SHLD1: variants seen among roughly 807,000 people sequenced by gnomAD.
SHLD1 encodes the protein shieldin complex subunit 1.
Under a neutral mutation model 5.5 loss-of-function variants are expected in SHLD1, and 3 were observed. The ratio of observed to expected loss-of-function variants is 0.54; its 90% confidence interval spans 0.25 to 1.40. SHLD1 has a LOEUF of 1.40. Ranked by LOEUF, SHLD1 falls within the 40% of genes most tolerant of loss-of-function variation. The pLI is 0.15. For synonymous variants in SHLD1, 92 were observed against 94.3 expected (o/e 0.98, Z 0.14); for missense variants, 210 against 244.4 (o/e 0.86, Z 0.94).
At chr20:5,787,942 T>C (rs2087083021) in intron 2 of SHLD1, among the ~76,000 whole-genome samples, 2 of 152,180 alleles carry the variant, frequency 1.3e-5, no homozygotes, top group South Asian at 4.1e-4. Flanking sequence ...AGCCCCTGGC[T>C]TTTTTTCCTT....
intron 1 of SHLD1, among the ~76,000 whole-genome samples, 192 bp from the exon 2 acceptor site, chr20:5,772,670 G>A (rs1055792905): frequency 2.6e-5 from 4 of 152,114 alleles, no homozygotes; most frequent in Non-Finnish European, 4.4e-5. Context: ...CCATCACTTT[G>A]GGAGGCTGAG....
intron 2 of SHLD1, among the ~76,000 whole-genome samples, chr20:5,829,794 C>G (rs533457892): frequency 6.6e-6 from 1 of 152,032 alleles, no homozygotes; most frequent in African/African-American, 2.4e-5. Context: ...TTGTGTTTTG[C>G]TAGGCAGCTT....
chr20:5,801,145 T>A (rs1191819671), intron 2 of SHLD1, among the ~76,000 whole-genome samples: 3 of 151,896 alleles, frequency 2.0e-5, no homozygotes, highest in African/African-American at 7.2e-5. Context: ...TGGTGCGATC[T>A]TGGCTCACTG....
At chr20:5,799,387 A>G (rs568603033) in intron 2 of SHLD1, among the ~76,000 whole-genome samples, 5 of 151,532 alleles carry the variant, frequency 3.3e-5, no homozygotes, top group Admixed American at 1.3e-4. Context: ...TGCGGCCTCA[A>G]CTTCCCGGGT....
intron 2 of SHLD1, among the ~76,000 whole-genome samples, chr20:5,857,057 C>T (rs1338817515): frequency 1.3e-5 from 2 of 152,210 alleles, no homozygotes; most frequent in Admixed American, 6.5e-5. Flanking sequence ...TCTCGGCTCA[C>T]TGCAACCTCT....
chr20:5,781,076 C>CT (rs139964625), intron 2 of SHLD1, among the ~76,000 whole-genome samples: 4,018 of 152,272 alleles, frequency 0.026, 77 homozygotes, highest in Non-Finnish European at 0.04. Context: ...CTATATATGT[C>CT]TAATAAAGAC....
chr20:5,759,547 T>A, intron 1 of SHLD1, among the ~76,000 whole-genome samples: 1 of 152,042 alleles, frequency 6.6e-6, no homozygotes. Flanking sequence ...GGTCTAAAAA[T>A]TTTTTAGACA....
intron 2 of SHLD1, among the ~76,000 whole-genome samples, chr20:5,808,248 C>CGA (rs2087409333): frequency 1.4e-4 from 1 of 7,264 alleles, no homozygotes; most frequent in South Asian, 3.3e-3. Context: ...CCACTGCACT[C>CGA]CAGCAAGACT....
intron 2 of SHLD1, among the ~76,000 whole-genome samples, chr20:5,796,087 T>A (rs35703152): frequency 7.3e-4 from 111 of 152,110 alleles, no homozygotes; most frequent in African/African-American, 2.5e-3. Flanking sequence ...AAAGATTAGC[T>A]GTTGAAGCTA....
chr20:5,781,651 G>A (rs957516383), intron 2 of SHLD1, among the ~76,000 whole-genome samples: 1 of 149,386 alleles, frequency 6.7e-6, no homozygotes, highest in African/African-American at 2.5e-5. Flanking sequence ...CTATTTTTTT[G>A]TATTTTTAGT....
chr20:5,835,088 C>A (rs1246994431), intron 2 of SHLD1, among the ~76,000 whole-genome samples: 2 of 151,818 alleles, frequency 1.3e-5, no homozygotes, highest in East Asian at 3.9e-4. Context: ...CCTTTTTTTT[C>A]ATGGAAGCCC....
intron 2 of SHLD1, among the ~76,000 whole-genome samples, chr20:5,849,077 G>A (rs2087966902): frequency 6.6e-6 from 1 of 152,140 alleles, no homozygotes; most frequent in Non-Finnish European, 1.5e-5. Flanking sequence ...AGGAACAGTT[G>A]CAAATTCTAA....
intron 2 of SHLD1, among the ~76,000 whole-genome samples, chr20:5,861,013 G>A (rs539287217): frequency 1.4e-4 from 22 of 151,956 alleles, no homozygotes; most frequent in Non-Finnish European, 1.2e-4. Context: ...TGTTTTGGGT[G>A]CCCCCTGGCC....
At chr20:5,831,430 T>C (rs2087727752) in intron 2 of SHLD1, among the ~76,000 whole-genome samples, 1 of 152,194 alleles carries the variant, frequency 6.6e-6, no homozygotes, top group Admixed American at 6.5e-5. Flanking sequence ...CTACTTTACG[T>C]ATTTTATTTC....
At chr20:5,859,588 G>A (rs1358097156) in intron 2 of SHLD1, among the ~76,000 whole-genome samples, 1 of 152,194 alleles carries the variant, frequency 6.6e-6, no homozygotes, top group Non-Finnish European at 1.5e-5. Flanking sequence ...ATCAGGAAAG[G>A]AAAAGCAATT....
At chr20:5,835,166 T>G (rs2087775387) in intron 2 of SHLD1, among the ~76,000 whole-genome samples, 1 of 152,156 alleles carries the variant, frequency 6.6e-6, no homozygotes, top group Non-Finnish European at 1.5e-5. Context: ...GAAGTCTACC[T>G]CTACACTGCT....
intron 2 of SHLD1, among the ~76,000 whole-genome samples, chr20:5,816,751 G>A (rs183908757): frequency 3.1e-4 from 47 of 152,274 alleles, no homozygotes; most frequent in Non-Finnish European, 4.0e-4. Flanking sequence ...ATTCCTATTT[G>A]TCATACATTA....
chr20:5,812,080 C>CTTTT (rs1200570680), intron 2 of SHLD1, among the ~76,000 whole-genome samples: 2 of 136,814 alleles, frequency 1.5e-5, no homozygotes, highest in African/African-American at 5.4e-5. Flanking sequence ...TTTTTTTTTT[C>CTTTT]TTTTTTTTTC....
intron 2 of SHLD1, among the ~76,000 whole-genome samples, chr20:5,809,985 G>A (rs770874758): frequency 2.6e-5 from 4 of 151,978 alleles, no homozygotes; most frequent in South Asian, 2.1e-4. Flanking sequence ...TCGGCCAGGC[G>A]CAGTGGCTCA....
Sources: allele counts gnomAD v4.1 joint callset (sites outside exome capture counted in the v4.1 genomes callset), GRCh38; gene constraint gnomAD v4.1.1; transcripts MANE v1.5; gene names NCBI Gene and HGNC (gene_info 2026-07-23, HGNC 2026-07-21).